ANKRD17: variants seen among roughly 807,000 people sequenced by gnomAD.
The protein encoded by ANKRD17 is ankyrin repeat domain-containing protein 17.
A neutral mutation model predicts 229.7 loss-of-function variants in ANKRD17; 19 were observed. The ratio of observed to expected loss-of-function variants is 0.08; its 90% CI spans 0.06 to 0.12. The LOEUF (loss-of-function observed/expected upper bound fraction) is 0.12, where lower values mean the gene tolerates loss of function less well. ANKRD17 is among the 10% of genes least tolerant of loss of function. The pLI is 1.00. For synonymous variants in ANKRD17, 1,112 were observed against 1,146.1 expected (o/e 0.97, Z 0.60); for missense variants, 2,176 against 3,176.8 (o/e 0.68, Z 7.57).
intron 1 of ANKRD17, among the ~76,000 whole-genome samples, chr4:73,251,970 A>G (rs1454682390): frequency 1.3e-5 from 2 of 152,214 alleles, no homozygotes; most frequent in Non-Finnish European, 1.5e-5. Context: ...AAAAATGACT[A>G]AACTAAAAAT....
chr4:73,133,619 C>A (rs1192686363), intron 16 of ANKRD17, among the ~76,000 whole-genome samples: 1 of 151,950 alleles, frequency 6.6e-6, no homozygotes, highest in African/African-American at 2.4e-5. Context: ...GTCTCAAACT[C>A]CTGACCTCAG....
At chr4:73,162,553 C>T (rs1732672377) in intron 2 of ANKRD17, among the ~76,000 whole-genome samples, 1 of 151,850 alleles carries the variant, frequency 6.6e-6, no homozygotes, top group African/African-American at 2.4e-5. Context: ...CAAAATATGG[C>T]CTAAAAAGGC....
At chr4:73,256,280 G>T (rs1000486170) in intron 1 of ANKRD17, among the ~76,000 whole-genome samples, 1 of 152,136 alleles carries the variant, frequency 6.6e-6, no homozygotes, top group Admixed American at 6.5e-5. Flanking sequence ...TTATTAGGCC[G>T]CATTCCAATG....
intron 29 of ANKRD17, among the ~76,000 whole-genome samples, 176 bp downstream of exon 29, chr4:73,090,490 TA>T (rs2110156797): frequency 6.6e-6 from 1 of 152,346 alleles, no homozygotes; most frequent in Non-Finnish European, 1.5e-5. Flanking sequence ...TGGTAGCTTT[TA>T]AAAAGATTTT....
At chr4:73,167,829 G>C (rs1415503191) in intron 2 of ANKRD17, among the ~76,000 whole-genome samples, 1 of 152,066 alleles carries the variant, frequency 6.6e-6, no homozygotes, top group African/African-American at 2.4e-5. Context: ...ACCTTGGATG[G>C]AAATCAAGTT....
At chr4:73,115,424 G>A (rs1725826938) in intron 23 of ANKRD17, among the ~76,000 whole-genome samples, 1 of 152,076 alleles carries the variant, frequency 6.6e-6, no homozygotes, top group South Asian at 2.1e-4. Flanking sequence ...CCAAGTAGCT[G>A]GGATTATAGG....
intron 2 of ANKRD17, among the ~76,000 whole-genome samples, chr4:73,174,545 CT>C (rs2148980502): frequency 6.6e-6 from 1 of 152,254 alleles, no homozygotes; most frequent in South Asian, 2.1e-4. Flanking sequence ...CCCACTTTCA[CT>C]ATTTCTATTC....
chr4:73,108,002 ATATATC>A (rs1205461188), intron 24 of ANKRD17, among the ~76,000 whole-genome samples: 3 of 152,162 alleles, frequency 2.0e-5, no homozygotes, highest in East Asian at 1.9e-4. Flanking sequence ...GATTAAGATT[ATATATC>A]TATATTTTGA....
At chr4:73,222,875 G>A (rs1170618458) in intron 1 of ANKRD17, 17 of 982,196 alleles carry the variant, frequency 1.7e-5, no homozygotes, top group Non-Finnish European at 2.5e-5. Context: ...GCTTCTCTTT[G>A]CTCTCTCCTC....
chr4:73,258,150 A>C (rs1745644675), intron 1 of ANKRD17, 126 bp downstream of exon 1: 4 of 1,428,200 alleles, frequency 2.8e-6, no homozygotes, highest in African/African-American at 2.9e-5. Flanking sequence ...GAAAGGGGGC[A>C]GTCGAAAGCC....
At chr4:73,229,349 C>T (rs1320504569) in intron 1 of ANKRD17, among the ~76,000 whole-genome samples, 1 of 152,144 alleles carries the variant, frequency 6.6e-6, no homozygotes, top group Non-Finnish European at 1.5e-5. Context: ...CTAATTTATA[C>T]TGACAGTGAG....
At position 73,258,502 on chromosome 4, in the gene ANKRD17, C is replaced by A; in HGVS notation, c.167G>T (p.Arg56Leu). 1 of 1,559,556 alleles carries A rather than the reference C, an allele frequency of 6.4e-7. No individual in the cohort carries two copies. Among genetic ancestry groups the A allele is most frequent in the Non-Finnish European group, 8.7e-7 (1 of 1,154,738 alleles). ...RSASSPRGMV[R>L]VCDLLLKKKP... ...CTTCTTCAGGAGCAGGTCGCAGACT[C>A]GCACCATCCCACGAGGAGACGAGGC... is the stretch of plus-strand genomic sequence containing the variant. Residue 56 changes from arginine to leucine, a missense_variant, in exon 1 of 34, where the codon CGA (arginine) becomes CTA (leucine). Around this residue, in one of 18 missense-constraint regions of ANKRD17, gnomAD observed 196 missense variants for 190.0 expected, o/e 1.03. Transcript: ENST00000358602.
intron 1 of ANKRD17, among the ~76,000 whole-genome samples, chr4:73,251,121 G>A (rs971443187): frequency 5.9e-5 from 9 of 152,032 alleles, no homozygotes; most frequent in Non-Finnish European, 1.3e-4. Flanking sequence ...CACACAAAAA[G>A]TTGACTCCTT....
intron 1 of ANKRD17, among the ~76,000 whole-genome samples, chr4:73,190,172 C>T (rs1328717635): frequency 2.6e-5 from 4 of 152,016 alleles, no homozygotes; most frequent in African/African-American, 9.7e-5. Flanking sequence ...AGTTCGAGAC[C>T]AGCCTGGCTA....
intron 24 of ANKRD17, 64 bp from the exon 25 acceptor site, chr4:73,102,611 A>G: frequency 6.5e-7 from 1 of 1,534,846 alleles, no homozygotes; most frequent in East Asian, 2.3e-5. Flanking sequence ...AAGTTGTCAC[A>G]TAATCATTTA....
intron 1 of ANKRD17, among the ~76,000 whole-genome samples, chr4:73,192,282 T>C: frequency 6.6e-6 from 1 of 152,006 alleles, no homozygotes. Context: ...ATTTACCAAA[T>C]GGATACATTA....
chr4:73,207,601 T>C (rs1044971873), intron 1 of ANKRD17, among the ~76,000 whole-genome samples: 3 of 152,166 alleles, frequency 2.0e-5, no homozygotes, highest in African/African-American at 4.8e-5. Flanking sequence ...ACATTAATCA[T>C]AGAAATGCTG....
chr4:73,168,661 A>G (rs903518940), intron 2 of ANKRD17, among the ~76,000 whole-genome samples: 48 of 152,166 alleles, frequency 3.2e-4, no homozygotes, highest in Non-Finnish European at 2.1e-4. Context: ...CAAATACTAC[A>G]CTCAACCACT....
intron 20 of ANKRD17, among the ~76,000 whole-genome samples, 196 bp from the exon 21 acceptor site, chr4:73,120,533 C>A (rs556284776): frequency 2.2e-5 from 3 of 133,462 alleles, no homozygotes; most frequent in South Asian, 2.5e-4. Context: ...CTAATCTCAA[C>A]GGTATTGCAA....
Sources: gnomAD v4.1 joint callset for allele counts (sites outside exome capture counted in the v4.1 genomes callset) on GRCh38, gnomAD v4.1.1 for gene constraint, gnomAD v4.1.1 regional missense constraint, MANE v1.5 for transcripts, NCBI Gene and HGNC (gene_info 2026-07-23, HGNC 2026-07-21) for gene names.